The following HMBOX1 variants were observed in gnomAD, a reference collection of about 807,000 sequenced individuals.
HMBOX1 encodes the protein homeobox-containing protein 1.
Under a neutral mutation model 54.5 loss-of-function variants are expected in HMBOX1, and 14 were observed. The observed-to-expected ratio is 0.26, with a 90% CI of 0.17 to 0.40. The LOEUF (loss-of-function observed/expected upper bound fraction) is 0.40. HMBOX1 is among the 10% of genes least tolerant of loss of function. The probability of loss-of-function intolerance (pLI) is 1.00; values close to 1 mark genes in which losing one functional copy is unlikely to be tolerated. For missense variants in HMBOX1, 332 were observed against 514.4 expected, an observed-to-expected ratio of 0.65 and a Z score of 3.43; for synonymous variants, 160 against 181.0, an observed-to-expected ratio of 0.88 and a Z score of 0.93.
chr8:28,999,721 T>C (rs1487096239), intron 4 of HMBOX1, among the ~76,000 whole-genome samples: 3 of 152,286 alleles, frequency 2.0e-5, no homozygotes, highest in African/African-American at 7.2e-5. Context: ...AATTCCAAAA[T>C]TTCTATTTGG....
In HMBOX1 at chr8:29,043,350, A is replaced by G. The variant is rs561875821; in HGVS notation, c.852-2011A>G. ...TGTGCATTCTCTAGACCTAACTCAG[A>G]TGGCACTCCTCAGTGACGCCTTTCC... On this transcript the variant is annotated intron_variant, in intron 6 of 9. Coordinates refer to ENST00000287701, the MANE Select transcript of HMBOX1 (RefSeq NM_001135726.3). Among the ~76,000 whole-genome samples the G allele has an allele frequency of 1.4e-4, 21 of 152,370 alleles. No individual in the cohort carries two copies. The East Asian group carries it at 3.3e-3, about 24-fold the overall frequency.
chr8:28,960,765 C>CTTTCTTTT (rs1825383152), intron 1 of HMBOX1, among the ~76,000 whole-genome samples: 1 of 16,260 alleles, frequency 6.2e-5, no homozygotes, highest in African/African-American at 1.7e-4. Flanking sequence ...TTTTCTTTTT[C>CTTTCTTTT]TTTTTTTTTT....
At chr8:28,994,803 A>C (rs1007978936) in intron 4 of HMBOX1, among the ~76,000 whole-genome samples, 1 of 152,226 alleles carries the variant, frequency 6.6e-6, no homozygotes, top group African/African-American at 2.4e-5. Flanking sequence ...AAGGGATAGC[A>C]GTGTGTAACT....
chr8:28,904,511 G>A (rs559432657), intron 1 of HMBOX1, among the ~76,000 whole-genome samples: 2 of 151,886 alleles, frequency 1.3e-5, no homozygotes, highest in East Asian at 2.0e-4. Context: ...GATTACAGGC[G>A]TGAGCCACTG....
chr8:28,951,633 C>T (rs531244377), intron 1 of HMBOX1, among the ~76,000 whole-genome samples: 2 of 152,280 alleles, frequency 1.3e-5, no homozygotes, highest in South Asian at 4.1e-4. Context: ...CATGTTTAAT[C>T]AGTGCTTCTT....
chr8:28,996,409 T>C (rs556779639), intron 4 of HMBOX1, among the ~76,000 whole-genome samples: 72 of 152,248 alleles, frequency 4.7e-4, no homozygotes, highest in African/African-American at 1.5e-3. Flanking sequence ...CCCATGTTTT[T>C]GGGTTGTCTT....
chr8:28,963,005 A>G (rs192663971), intron 1 of HMBOX1, among the ~76,000 whole-genome samples: 12 of 152,186 alleles, frequency 7.9e-5, no homozygotes, highest in Non-Finnish European at 1.5e-4. Flanking sequence ...TTGAGCAGGT[A>G]GTGAAAAATG....
intron 1 of HMBOX1, among the ~76,000 whole-genome samples, chr8:28,910,844 G>T (rs1158815809): frequency 6.6e-6 from 1 of 151,776 alleles, no homozygotes; most frequent in Non-Finnish European, 1.5e-5. Flanking sequence ...GATTTGTTTT[G>T]AAAGGGGAAC....
chr8:28,982,980 T>C (rs1455348977), intron 4 of HMBOX1, among the ~76,000 whole-genome samples: 1 of 151,948 alleles, frequency 6.6e-6, no homozygotes, highest in African/African-American at 2.4e-5. Context: ...CTGGTCTTGA[T>C]CTCCTGGGAT....
intron 1 of HMBOX1, among the ~76,000 whole-genome samples, chr8:28,903,106 T>TAC (rs151039437): frequency 0.011 from 1,683 of 151,424 alleles, 20 homozygotes; most frequent in East Asian, 0.056. Context: ...AGCTTTCTTT[T>TAC]ACACACACAC....
chr8:29,001,134 T>A (rs1469621183), intron 4 of HMBOX1, among the ~76,000 whole-genome samples: 1 of 152,188 alleles, frequency 6.6e-6, no homozygotes, highest in Non-Finnish European at 1.5e-5. Flanking sequence ...AGAATTGTCC[T>A]CAAAGTATGA....
intron 6 of HMBOX1, among the ~76,000 whole-genome samples, chr8:29,033,904 A>C (rs975820817): frequency 6.6e-6 from 1 of 152,242 alleles, no homozygotes; most frequent in African/African-American, 2.4e-5. Flanking sequence ...AGGGAGATCA[A>C]CTTATAGACG....
intron 4 of HMBOX1, among the ~76,000 whole-genome samples, chr8:28,983,499 C>T (rs1465769949): frequency 3.9e-5 from 6 of 152,172 alleles, no homozygotes; most frequent in African/African-American, 1.4e-4. Flanking sequence ...TCCTTGCAGA[C>T]CTCTCTTTTT....
intron 1 of HMBOX1, among the ~76,000 whole-genome samples, chr8:28,937,367 T>G (rs1429929637): frequency 6.6e-6 from 1 of 152,232 alleles, no homozygotes; most frequent in African/African-American, 2.4e-5. Flanking sequence ...ATAAGAGTAC[T>G]TGCTATAGGC....
intron 4 of HMBOX1, among the ~76,000 whole-genome samples, chr8:28,992,869 CAAAA>C (rs34488854): frequency 5.6e-4 from 32 of 57,252 alleles, no homozygotes; most frequent in African/African-American, 2.0e-3. Flanking sequence ...GACTCTGTCT[CAAAA>C]AAAAAAAAAA....
At chr8:28,909,344 A>G (rs946091919) in intron 1 of HMBOX1, among the ~76,000 whole-genome samples, 3 of 152,236 alleles carry the variant, frequency 2.0e-5, no homozygotes, top group Non-Finnish European at 4.4e-5. Context: ...AAAATGGGTA[A>G]CTAGAAAAAT....
chr8:28,901,404 G>C (rs545516582), intron 1 of HMBOX1, among the ~76,000 whole-genome samples: 2 of 152,008 alleles, frequency 1.3e-5, no homozygotes, highest in African/African-American at 4.8e-5. Flanking sequence ...AGATTTGAAG[G>C]CTTTAAATCT....
intron 3 of HMBOX1, among the ~76,000 whole-genome samples, chr8:28,979,706 T>C (rs1829031668): frequency 6.6e-6 from 1 of 152,220 alleles, no homozygotes; most frequent in South Asian, 2.1e-4. Flanking sequence ...TTTATTTTTC[T>C]AGGATTTCTG....
At position 29,051,616 on chromosome 8, in the gene HMBOX1, C is replaced by G. The variant is rs758633110; in HGVS notation, c.*461C>G. On this transcript the variant is annotated 3_prime_UTR_variant, in exon 10 of 10. Coordinates refer to ENST00000287701, the MANE Select transcript of HMBOX1 (RefSeq NM_001135726.3). ...ACAGACACCATTTGGGGAGTATCCA[C>G]AGAGTCAAAGGAACACTAGAATCCC... 31 of 702,820 alleles carry G rather than the reference C, an allele frequency of 4.4e-5. No homozygotes were observed. The highest frequency in any genetic ancestry group is 7.8e-5 in the Non-Finnish European group (30 of 384,980). 43.5% of individuals were successfully genotyped at this position (702,820 alleles called of 1,614,324 possible).
Sources: allele counts gnomAD v4.1 joint callset (sites outside exome capture counted in the v4.1 genomes callset), GRCh38; gene constraint gnomAD v4.1.1; transcripts MANE v1.5; gene names NCBI Gene and HGNC (gene_info 2026-07-23, HGNC 2026-07-21).